The following TMTC1 variants were observed in gnomAD, a reference collection of about 807,000 sequenced individuals.
The protein encoded by TMTC1 is protein O-mannosyl-transferase TMTC1.
In TMTC1, 73 loss-of-function variants were observed where a neutral mutation model predicts 104.8. The observed-to-expected ratio is 0.70, with a 90% CI of 0.58 to 0.85. The LOEUF is 0.85. TMTC1 is among the 40% of genes least tolerant of loss of function. The pLI is 0.00. For missense variants in TMTC1, 1,035 were observed against 1,096.1 expected (o/e 0.94, Z 0.79); for synonymous variants, 434 against 428.7 (o/e 1.01, Z -0.15).
chr12:29,568,985 C>A (rs886566110), intron 9 of TMTC1: 2 of 455,960 alleles, frequency 4.4e-6, no homozygotes, highest in Non-Finnish European at 8.8e-6. Flanking sequence ...TTTATTATTA[C>A]TGCAGGAGTA....
chr12:29,622,531 C>G (rs1221217357), intron 6 of TMTC1, among the ~76,000 whole-genome samples: 1 of 152,162 alleles, frequency 6.6e-6, no homozygotes. Context: ...AGTGCATTTT[C>G]AGCCGTGGTT....
At chr12:29,520,886 C>A in intron 11 of TMTC1, 166 bp from the exon 12 acceptor site, 1 of 595,208 alleles carries the variant, frequency 1.7e-6, no homozygotes, top group Non-Finnish European at 2.9e-6. Context: ...GAATTAAAGG[C>A]AATATTAACT....
At chr12:29,545,146 T>G (rs200991303) in intron 10 of TMTC1, among the ~76,000 whole-genome samples, 1 of 8,610 alleles carries the variant, frequency 1.2e-4, no homozygotes, top group South Asian at 3.5e-3. Context: ...CACAGATGGG[T>G]TTTTTTTTTT....
chr12:29,651,154 G>A (rs760357956), intron 5 of TMTC1, among the ~76,000 whole-genome samples: 18 of 152,156 alleles, frequency 1.2e-4, no homozygotes, highest in Non-Finnish European at 2.4e-4. Context: ...TATAAGCTGC[G>A]TAGTGGAATG....
At position 29,516,441 on chromosome 12, in the gene TMTC1, T is replaced by C. The variant is rs1300021645; in HGVS notation, c.2215A>G (p.Met739Val). ...TCCTCTGACACAATGTGATTGGTCA[T>C]CTTTTCAGCTTCTTTTGTCTGACCC... is the stretch of plus-strand genomic sequence containing the variant. ...VMGQTKEAEK[M>V]TNHIVSEETG... The change falls in exon 15 of 18, where the codon ATG (methionine) becomes GTG (valine). Residue 739 changes from methionine (M) to valine (V), a missense_variant. Transcript: ENST00000539277. 6.2e-7 allele frequency: 1 copy of C among 1,614,034 alleles called. No individual in the cohort carries two copies. Among genetic ancestry groups the C allele is most frequent in the Admixed American group, 1.7e-5 (1 of 60,022 alleles).
intron 5 of TMTC1, among the ~76,000 whole-genome samples, chr12:29,648,714 T>C (rs1939383661): frequency 6.6e-6 from 1 of 152,164 alleles, no homozygotes; most frequent in Non-Finnish European, 1.5e-5. Context: ...ATATATAATT[T>C]TCAATTTTCT....
intron 5 of TMTC1, among the ~76,000 whole-genome samples, chr12:29,713,413 T>G (rs377165303): frequency 6.6e-6 from 1 of 151,468 alleles, no homozygotes; most frequent in Admixed American, 6.6e-5. Flanking sequence ...CTCCATCAGT[T>G]TGGAGAACAT....
At position 29,518,476 on chromosome 12, in the gene TMTC1, TG is replaced by T; in HGVS notation, c.2019del (p.Tyr673Ter). On this transcript the variant is annotated frameshift_variant, in exon 13 of 18. Transcript: ENST00000539277. LOFTEE classifies it high-confidence loss of function. ...LGENSMAEEWYKRALQVAHKA... is the reference protein window; with the variant it reads ...LGENSMAEEWXKRALQVAHKA... Reference sequence around the variant, plus strand: ...AGAAAAGAAAGGGAACTTTACCGCTTGTACCATTCTTCAGCCATGCTGTTCT... The same window carrying T: ...AGAAAAGAAAGGGAACTTTACCGCTTTACCATTCTTCAGCCATGCTGTTCT... The T allele has an allele frequency of 1.2e-6, 2 of 1,613,276 alleles. No homozygotes were observed. The highest frequency in any genetic ancestry group is 1.7e-6 in the Non-Finnish European group (2 of 1,179,410).
At chr12:29,652,492 T>C (rs967830667) in intron 5 of TMTC1, among the ~76,000 whole-genome samples, 1 of 152,124 alleles carries the variant, frequency 6.6e-6, no homozygotes, top group African/African-American at 2.4e-5. Context: ...AACAAGGATA[T>C]ATCCAGAGGT....
At chr12:29,655,614 G>A (rs1440275409) in intron 5 of TMTC1, among the ~76,000 whole-genome samples, 1 of 152,128 alleles carries the variant, frequency 6.6e-6, no homozygotes, top group Non-Finnish European at 1.5e-5. Context: ...CCATGTCTTA[G>A]AAATTTTGCT....
chr12:29,655,227 GAC>G (rs1173159777), intron 5 of TMTC1, among the ~76,000 whole-genome samples: 1 of 152,046 alleles, frequency 6.6e-6, no homozygotes, highest in African/African-American at 2.4e-5. Flanking sequence ...TAAATCTACA[GAC>G]ACAGAAAGTA....
chr12:29,770,658 T>A (rs1943574374), intron 1 of TMTC1, among the ~76,000 whole-genome samples: 2 of 152,270 alleles, frequency 1.3e-5, no homozygotes, highest in Admixed American at 6.5e-5. Flanking sequence ...GCTGTGAAAG[T>A]CCCTTACCTG....
At chr12:29,540,789 G>A (rs1016063545) in intron 10 of TMTC1, among the ~76,000 whole-genome samples, 3 of 152,072 alleles carry the variant, frequency 2.0e-5, no homozygotes, top group Admixed American at 6.5e-5. Context: ...GGTCAGAGGA[G>A]TTCGAGACCA....
At chr12:29,619,904 G>C (rs1947085791) in intron 6 of TMTC1, among the ~76,000 whole-genome samples, 1 of 152,170 alleles carries the variant, frequency 6.6e-6, no homozygotes, top group Non-Finnish European at 1.5e-5. Flanking sequence ...CTTATGTCAA[G>C]AAGTTAAAGA....
upstream of TMTC1, chr12:29,784,262 C>T (rs75540986): frequency 0.098 from 14,917 of 152,368 alleles, 907 homozygotes; most frequent in East Asian, 0.19. Context: ...TCCCGGGGGA[C>T]CCAGGAGGGT....
At chr12:29,572,013 C>T (rs1945691646) in intron 9 of TMTC1, 92 bp downstream of exon 9, 1 of 992,230 alleles carries the variant, frequency 1.0e-6, no homozygotes. Context: ...GAGAAACAAA[C>T]AAACTCCCTC....
Position 29,724,022 on chromosome 12 carries a change from G to C in TMTC1, c.938+27644C>G, listed in dbSNP as rs939322169. 1.5e-4 allele frequency among the ~76,000 whole-genome samples: 23 copies of C among 152,148 alleles called. 1 individual carries two copies. The highest frequency in any genetic ancestry group is 1.5e-3 in the Admixed American group (23 of 15,264). The stretch of plus-strand genomic sequence containing the variant: ...TCAAGATAGAGAAGACCAGAATATA[G>C]TGTGAATCTTGGAGGAACAGACTGA... On this transcript the variant is annotated intron_variant, in intron 5 of 17. Transcript: ENST00000539277.
At chr12:29,597,124 GTGTGGCCCTC>G (rs1232659385) in intron 7 of TMTC1, among the ~76,000 whole-genome samples, 1 of 152,064 alleles carries the variant, frequency 6.6e-6, no homozygotes, top group Non-Finnish European at 1.5e-5. Context: ...GACATTTCTT[GTGTGGCCCTC>G]TCAGTGTCCA....
intron 11 of TMTC1, among the ~76,000 whole-genome samples, chr12:29,530,210 A>C (rs993771571): frequency 2.0e-5 from 3 of 152,162 alleles, no homozygotes; most frequent in Non-Finnish European, 4.4e-5. Flanking sequence ...GAAACCTTAA[A>C]AACTCAATTC....
Sources: allele counts gnomAD v4.1 joint callset (sites outside exome capture counted in the v4.1 genomes callset), GRCh38; gene constraint gnomAD v4.1.1; transcripts MANE v1.5; gene names NCBI Gene and HGNC (gene_info 2026-07-23, HGNC 2026-07-21).